The following CDH12 variants were observed in gnomAD, a reference collection of about 807,000 sequenced individuals.
CDH12 encodes the protein cadherin-12.
Under a neutral mutation model 74.1 loss-of-function variants are expected in CDH12, and 41 were observed. That is an observed-to-expected ratio of 0.55 (90% CI 0.43 to 0.72). The LOEUF (loss-of-function observed/expected upper bound fraction) is 0.72. Ranked by LOEUF, CDH12 falls within the 30% of genes least tolerant of loss-of-function variation. The pLI is 0.00. For missense variants in CDH12, 945 were observed against 977.2 expected (o/e 0.97, Z 0.44); for synonymous variants, 399 against 355.0 (o/e 1.12, Z -1.39).
intron 1 of CDH12, among the ~76,000 whole-genome samples, chr5:22,544,909 A>G (rs1412991675): frequency 6.6e-6 from 1 of 152,128 alleles, no homozygotes; most frequent in Non-Finnish European, 1.5e-5. Context: ...AGAAGAGGCT[A>G]CAGGTGACGT....
intron 1 of CDH12, among the ~76,000 whole-genome samples, chr5:22,674,669 T>TG: frequency 6.6e-6 from 1 of 152,144 alleles, no homozygotes; most frequent in Middle Eastern, 3.2e-3. Context: ...ACTTGTTGAA[T>TG]GGCTTTGACA....
At chr5:22,101,369 T>C (rs1478783385) in intron 4 of CDH12, among the ~76,000 whole-genome samples, 1 of 152,226 alleles carries the variant, frequency 6.6e-6, no homozygotes, top group Admixed American at 6.5e-5. Flanking sequence ...ATGGGAAATT[T>C]ATAATATATT....
chr5:22,773,219 A>G (rs2126317587), intron 1 of CDH12, among the ~76,000 whole-genome samples: 1 of 152,274 alleles, frequency 6.6e-6, no homozygotes, highest in East Asian at 1.9e-4. Context: ...AAAAAGATCA[A>G]AACCAGATAT....
intron 2 of CDH12, among the ~76,000 whole-genome samples, chr5:22,471,050 T>G (rs1255862979): frequency 6.6e-6 from 1 of 152,098 alleles, no homozygotes; most frequent in East Asian, 1.9e-4. Flanking sequence ...CTCTCTCACT[T>G]TCAAAGGAGA....
At position 22,636,188 on chromosome 5, in the gene CDH12, A is replaced by G. The variant is rs1279692140; in HGVS notation, c.-522-130824T>C. Among the ~76,000 whole-genome samples, 4 of 152,102 alleles carry G rather than the reference A, an allele frequency of 2.6e-5. No individual in the cohort carries two copies. The East Asian group carries it at 7.7e-4, about 29-fold the overall frequency. Reference sequence around the variant, plus strand: ...TATAATTCAAAAAGAAAAATAATAAACAGTGGTGGAGTTATACATGTCCAG... The same window carrying G: ...TATAATTCAAAAAGAAAAATAATAAGCAGTGGTGGAGTTATACATGTCCAG... On this transcript the variant is annotated intron_variant, in intron 1 of 14. Transcript: ENST00000382254.
intron 3 of CDH12, among the ~76,000 whole-genome samples, chr5:22,259,057 A>T (rs1753421459): frequency 6.6e-6 from 1 of 152,168 alleles, no homozygotes; most frequent in South Asian, 2.1e-4. Context: ...GTAAAATTTT[A>T]ATGTGTTTAT....
intron 4 of CDH12, among the ~76,000 whole-genome samples, chr5:22,091,048 C>T (rs1469757833): frequency 1.3e-5 from 2 of 151,720 alleles, no homozygotes; most frequent in African/African-American, 2.4e-5. Flanking sequence ...CTCCTCGTGT[C>T]TTTACGACAT....
intron 1 of CDH12, among the ~76,000 whole-genome samples, chr5:22,734,903 G>T (rs1744608596): frequency 6.6e-6 from 1 of 151,908 alleles, no homozygotes; most frequent in Admixed American, 6.6e-5. Context: ...GACAATGAGT[G>T]CAGATAAGTG....
At chr5:22,577,199 C>T (rs1739836936) in intron 1 of CDH12, among the ~76,000 whole-genome samples, 1 of 152,146 alleles carries the variant, frequency 6.6e-6, no homozygotes, top group South Asian at 2.1e-4. Context: ...CTCAACCAGT[C>T]AGCCCTCATC....
chr5:22,610,441 A>G (rs1369580810), intron 1 of CDH12, among the ~76,000 whole-genome samples: 10 of 152,154 alleles, frequency 6.6e-5, no homozygotes. Flanking sequence ...TCTAGTAAAA[A>G]TGTATTAGAT....
chr5:22,099,761 A>G (rs1231643208), intron 4 of CDH12, among the ~76,000 whole-genome samples: 1 of 152,220 alleles, frequency 6.6e-6, no homozygotes, highest in Non-Finnish European at 1.5e-5. Flanking sequence ...TGCTGGCAGA[A>G]CTATGCTGAA....
chr5:21,842,012 A>G, intron 8 of CDH12, 149 bp downstream of exon 8: 2 of 657,558 alleles, frequency 3.0e-6, no homozygotes, highest in Non-Finnish European at 5.1e-6. Context: ...GTATAAAAAA[A>G]AAAAAAGATT....
intron 1 of CDH12, among the ~76,000 whole-genome samples, chr5:22,752,600 C>T (rs1383799130): frequency 4.5e-5 from 1 of 22,108 alleles, no homozygotes; most frequent in Non-Finnish European, 9.1e-5. Flanking sequence ...GAGACGGAGT[C>T]TCGCTCTGTC....
chr5:21,963,623 CA>C (rs1196185189), intron 6 of CDH12, among the ~76,000 whole-genome samples: 1 of 152,060 alleles, frequency 6.6e-6, no homozygotes, highest in Non-Finnish European at 1.5e-5. Flanking sequence ...CAAGTCCCTC[CA>C]ATAATTCTAT....
Position 21,812,258 on chromosome 5 carries a change from T to C in CDH12, c.1002+4687A>G, listed in dbSNP as rs1747789349. ...AACTGGTGTTTAAAAAAGGACTACA[T>C]ATTCAAATGTAGAATATATATTTGG... On this transcript the variant is annotated intron_variant, in intron 9 of 14. Coordinates refer to ENST00000382254, the MANE Select transcript of CDH12 (RefSeq NM_004061.5). Among the ~76,000 whole-genome samples the C allele has an allele frequency of 5.9e-5, 9 of 152,232 alleles. No homozygotes were observed. In the South Asian group the frequency reaches 1.7e-3, roughly 28 times the overall value.
chr5:22,730,463 T>A, intron 1 of CDH12, among the ~76,000 whole-genome samples: 1 of 151,854 alleles, frequency 6.6e-6, no homozygotes, highest in East Asian at 1.9e-4. Context: ...ATCTGAGTCC[T>A]AGAGCTACAT....
intron 1 of CDH12, among the ~76,000 whole-genome samples, chr5:22,607,819 G>A (rs997118165): frequency 2.6e-5 from 4 of 152,202 alleles, no homozygotes; most frequent in African/African-American, 9.7e-5. Flanking sequence ...TGCTTCAGAG[G>A]GTGCAAGCCC....
intron 4 of CDH12, 111 bp from the exon 5 acceptor site, chr5:22,078,973 T>TA (rs748300328): frequency 2.1e-4 from 77 of 358,456 alleles, no homozygotes; most frequent in Non-Finnish European, 3.1e-4. Context: ...AGAAAGACTA[T>TA]AAAAGAATTA....
chr5:22,059,415 AC>A (rs1303109009), intron 5 of CDH12, among the ~76,000 whole-genome samples: 14 of 151,472 alleles, frequency 9.2e-5, no homozygotes, highest in Admixed American at 7.9e-4. Flanking sequence ...TTAAAGCTAT[AC>A]CACTGGTTCT....
Sources: allele counts gnomAD v4.1 joint callset (sites outside exome capture counted in the v4.1 genomes callset), GRCh38; gene constraint gnomAD v4.1.1; transcripts MANE v1.5; gene names NCBI Gene and HGNC (gene_info 2026-07-23, HGNC 2026-07-21).